The following PPP1R1C variants were observed in gnomAD, a reference collection of about 807,000 sequenced individuals.
The protein encoded by PPP1R1C is protein phosphatase 1 regulatory inhibitor subunit 1C, also known as protein phosphatase 1 regulatory subunit 1C.
Under a neutral mutation model 17.4 loss-of-function variants are expected in PPP1R1C, and 15 were observed. The ratio of observed to expected loss-of-function variants is 0.86; its 90% confidence interval spans 0.58 to 1.33. The LOEUF is 1.33. Among genes scored for constraint, PPP1R1C ranks in the 40% most tolerant of loss-of-function variants. PPP1R1C has a pLI of 0.00. For synonymous variants in PPP1R1C, 35 were observed against 43.1 expected (o/e 0.81, Z 0.73); for missense variants, 143 against 130.0 (o/e 1.10, Z -0.48).
chr2:182,112,585 A>G (rs1353048409), intron 4 of PPP1R1C, among the ~76,000 whole-genome samples: 3 of 152,172 alleles, frequency 2.0e-5, no homozygotes, highest in African/African-American at 4.8e-5. Context: ...TTAAGGGCCA[A>G]AGTTTGTGTC....
chr2:182,024,790 G>A (rs1240205046), intron 2 of PPP1R1C, among the ~76,000 whole-genome samples: 2 of 152,046 alleles, frequency 1.3e-5, no homozygotes, highest in South Asian at 2.1e-4. Context: ...AGGAGGCAGA[G>A]GTTGCAGTGA....
chr2:182,054,594 C>A (rs1317044741), intron 2 of PPP1R1C, among the ~76,000 whole-genome samples: 1 of 151,612 alleles, frequency 6.6e-6, no homozygotes, highest in East Asian at 1.9e-4. Flanking sequence ...CAACATAATG[C>A]CCTTGTGTAT....
chr2:182,122,534 T>C (rs1022178360), downstream of PPP1R1C, among the ~76,000 whole-genome samples: 1 of 152,072 alleles, frequency 6.6e-6, no homozygotes, highest in African/African-American at 2.4e-5. Flanking sequence ...TGAACGAAAG[T>C]TTGGAAGCAC....
intron 4 of PPP1R1C, among the ~76,000 whole-genome samples, chr2:182,095,796 A>G (rs564278507): frequency 1.3e-3 from 205 of 152,298 alleles, no homozygotes; most frequent in African/African-American, 4.7e-3. Flanking sequence ...GTTTGAGACC[A>G]GCCTGGCCAA....
chr2:182,111,442 AT>A (rs1559097475), intron 4 of PPP1R1C, among the ~76,000 whole-genome samples: 1 of 152,164 alleles, frequency 6.6e-6, no homozygotes, highest in African/African-American at 2.4e-5. Flanking sequence ...TCTACATATA[AT>A]TTACGTCAAA....
chr2:182,034,686 G>A (rs1267378573), intron 2 of PPP1R1C, among the ~76,000 whole-genome samples: 1 of 152,190 alleles, frequency 6.6e-6, no homozygotes, highest in Non-Finnish European at 1.5e-5. Flanking sequence ...AGGATGTTAA[G>A]TCAGAAATGT....
At chr2:182,093,962 T>C (rs568210183) in intron 4 of PPP1R1C, among the ~76,000 whole-genome samples, 9 of 152,334 alleles carry the variant, frequency 5.9e-5, no homozygotes, top group Admixed American at 5.2e-4. Flanking sequence ...TTCCACATTT[T>C]CTGGTATCTG....
Position 181,962,483 on chromosome 2 carries a change from T to C in PPP1R1C, n.111+7849T>C. ...GGAGCGAGTGGTGAAGCTCATGCTA[T>C]CCAGGGAGGAGAGTGAGAGGACAGG... On this transcript the variant is annotated intron_variant and non_coding_transcript_variant, in intron 1 of 5. Transcript: ENST00000464264. This position sits in a 1 kb window ranked among gnomAD's most constrained non-coding sequence, Gnocchi z 6.0. 2.9e-6 allele frequency: 2 copies of C among 692,268 alleles called. No homozygotes were observed. Among genetic ancestry groups the C allele is most frequent in the East Asian group, 2.9e-5 (1 of 34,212 alleles). The allele number at this position is 692,268 out of a possible 1,614,324, so 42.9% of individuals were successfully genotyped here.
chr2:182,063,819 T>C, intron 4 of PPP1R1C, 28 bp downstream of exon 4: 1 of 1,575,346 alleles, frequency 6.3e-7, no homozygotes, highest in Non-Finnish European at 8.7e-7. Flanking sequence ...TTTCGGGTTG[T>C]CATGAGTGGT....
intron 4 of PPP1R1C, among the ~76,000 whole-genome samples, chr2:182,109,409 G>A (rs1279053842): frequency 6.6e-6 from 1 of 152,082 alleles, no homozygotes; most frequent in Non-Finnish European, 1.5e-5. Flanking sequence ...AACCTAAAAA[G>A]CCATCCCCAT....
intron 4 of PPP1R1C, among the ~76,000 whole-genome samples, chr2:182,088,485 A>G (rs149865125): frequency 2.6e-4 from 39 of 152,336 alleles, no homozygotes; most frequent in African/African-American, 9.4e-4. Context: ...TGCTCATCTA[A>G]GCAGCCCCAT....
intron 4 of PPP1R1C, among the ~76,000 whole-genome samples, chr2:182,095,930 G>A (rs575846900): frequency 6.0e-5 from 9 of 150,918 alleles, no homozygotes; most frequent in Non-Finnish European, 8.8e-5. Flanking sequence ...AGCCAAGATC[G>A]CGCCACTGCA....
At chr2:182,049,505 T>G (rs1296482361) in intron 2 of PPP1R1C, among the ~76,000 whole-genome samples, 1 of 152,042 alleles carries the variant, frequency 6.6e-6, no homozygotes, top group Admixed American at 6.6e-5. Flanking sequence ...TGTCCCAGTT[T>G]GCAGCCTTGG....
intron 2 of PPP1R1C, among the ~76,000 whole-genome samples, chr2:182,054,429 A>G (rs1687620641): frequency 6.6e-6 from 1 of 152,114 alleles, no homozygotes. Context: ...CTACTACTTT[A>G]TATTTATACT....
rs1685089803 is a variant in PPP1R1C at position 181,976,240 on chromosome 2, A to T, written n.157+976A>T. Among the ~76,000 whole-genome samples the T allele has an allele frequency of 6.6e-6, 1 of 152,136 alleles. No individual in the cohort carries two copies. The highest frequency in any genetic ancestry group is 6.5e-5 in the Admixed American group (1 of 15,272). The stretch of plus-strand genomic sequence containing the variant: ...GTATATGTCAGTAGGTGTTTAATGC[A>T]TGAGTACATGCATGTGTATATATGG... On this transcript the variant is annotated intron_variant and non_coding_transcript_variant, in intron 2 of 5. Coordinates refer to the PPP1R1C transcript ENST00000464264. This position sits in a 1 kb window ranked among gnomAD's most constrained non-coding sequence, Gnocchi z 4.8.
At chr2:181,982,038 C>T (rs941986215), upstream of PPP1R1C, among the ~76,000 whole-genome samples, 9 of 152,152 alleles carry the variant, frequency 5.9e-5, no homozygotes, top group African/African-American at 2.2e-4. Context: ...ATCTGCATAA[C>T]TTTCAAGATT....
At chr2:181,987,999 C>T in intron 2 of PPP1R1C, 100 bp downstream of exon 2, 1 of 908,504 alleles carries the variant, frequency 1.1e-6, no homozygotes. Context: ...TTTAGGATTT[C>T]ACAGTTAGCA....
chr2:182,116,037 G>A (rs946473900), intron 4 of PPP1R1C, among the ~76,000 whole-genome samples: 4 of 152,154 alleles, frequency 2.6e-5, no homozygotes, highest in East Asian at 1.9e-4. Flanking sequence ...GAATAGACTC[G>A]AGGGAAATGA....
At chr2:181,997,841 C>G (rs1685657513) in intron 2 of PPP1R1C, among the ~76,000 whole-genome samples, 1 of 152,176 alleles carries the variant, frequency 6.6e-6, no homozygotes, top group African/African-American at 2.4e-5. Context: ...CTATTGACTT[C>G]AGCATTACAG....
Sources: gnomAD v4.1 joint callset for allele counts (sites outside exome capture counted in the v4.1 genomes callset) on GRCh38, gnomAD v4.1.1 for gene constraint, Gnocchi (gnomAD v3.1) non-coding constraint, MANE v1.5 for transcripts, NCBI Gene and HGNC (gene_info 2026-07-23, HGNC 2026-07-21) for gene names.